CFAP69: variants seen among roughly 807,000 people sequenced by gnomAD.
The protein encoded by CFAP69 is cilia- and flagella-associated protein 69.
Under a neutral mutation model 123.0 loss-of-function variants are expected in CFAP69, and 92 were observed. The ratio of observed to expected loss-of-function variants is 0.75; its 90% CI spans 0.63 to 0.89. The LOEUF is 0.89. CFAP69 is among the 40% of genes least tolerant of loss of function. CFAP69 has a pLI of 0.00. For synonymous variants in CFAP69, 380 were observed against 364.3 expected (o/e 1.04, Z -0.49); for missense variants, 1,067 against 1,096.9 (o/e 0.97, Z 0.39).
At chr7:90,278,383 C>T (rs1027145003) in intron 11 of CFAP69, among the ~76,000 whole-genome samples, 1 of 151,906 alleles carries the variant, frequency 6.6e-6, no homozygotes, top group African/African-American at 2.4e-5. Flanking sequence ...TTTTCAAATG[C>T]TCAGGAAAAG....
At chr7:90,311,396 A>G (rs951461120), downstream of CFAP69, among the ~76,000 whole-genome samples, 2 of 152,216 alleles carry the variant, frequency 1.3e-5, no homozygotes, top group African/African-American at 4.8e-5. Flanking sequence ...GTAAATGGAT[A>G]ACTAGCTTTC....
intron 14 of CFAP69, among the ~76,000 whole-genome samples, chr7:90,287,111 AAT>A (rs1790412234): frequency 6.6e-6 from 1 of 151,784 alleles, no homozygotes; most frequent in Non-Finnish European, 1.5e-5. Flanking sequence ...AAAAGATAGA[AAT>A]ATATCCATGT....
At chr7:90,296,311 G>A (rs74729021) in intron 15 of CFAP69, among the ~76,000 whole-genome samples, 1 of 151,632 alleles carries the variant, frequency 6.6e-6, no homozygotes, top group Non-Finnish European at 1.5e-5. Flanking sequence ...CCTGAGGCAC[G>A]GTTTTTTGTT....
chr7:90,309,501 C>A, intron 22 of CFAP69, 134 bp downstream of exon 22: 3 of 430,764 alleles, frequency 7.0e-6, no homozygotes, highest in South Asian at 1.0e-4. Flanking sequence ...AATTATATCT[C>A]AATAAAACTG....
chr7:90,289,001 A>T (rs1790705065), intron 15 of CFAP69, among the ~76,000 whole-genome samples: 2 of 151,676 alleles, frequency 1.3e-5, no homozygotes. Flanking sequence ...TTCTTTCTTT[A>T]TATTTTTATT....
chr7:90,284,605 G>A (rs1365892983), intron 13 of CFAP69, among the ~76,000 whole-genome samples: 1 of 152,142 alleles, frequency 6.6e-6, no homozygotes, highest in Non-Finnish European at 1.5e-5. Flanking sequence ...GTAGGACAGA[G>A]TAAATGTTAC....
intron 17 of CFAP69, chr7:90,303,628 A>C (rs17865510): frequency 1.0e-6 from 1 of 974,160 alleles, no homozygotes; most frequent in Non-Finnish European, 1.2e-6. Context: ...AACCAAAAGT[A>C]AACAAGGTTA....
chr7:90,297,871 T>C (rs888396657), intron 16 of CFAP69, 41 bp downstream of exon 16: 2 of 1,376,756 alleles, frequency 1.5e-6, no homozygotes, highest in Middle Eastern at 1.8e-4. Flanking sequence ...AAGACAAATA[T>C]GTCTATTAAA....
intron 15 of CFAP69, among the ~76,000 whole-genome samples, chr7:90,293,648 C>T (rs935889121): frequency 6.6e-6 from 1 of 152,124 alleles, no homozygotes; most frequent in Non-Finnish European, 1.5e-5. Context: ...CTTTATACAC[C>T]TTACATATAA....
chr7:90,309,847 C>T (rs772409139), intron 22 of CFAP69, among the ~76,000 whole-genome samples: 3 of 152,168 alleles, frequency 2.0e-5, no homozygotes, highest in Non-Finnish European at 2.9e-5. Context: ...CTCTGCTAGA[C>T]TTAATTTGCC....
At chr7:90,264,100 A>AAT (rs1798725293) in intron 4 of CFAP69, among the ~76,000 whole-genome samples, 1 of 33,062 alleles carries the variant, frequency 3.0e-5, no homozygotes, top group Admixed American at 3.2e-4. Flanking sequence ...CGAAAAAAAA[A>AAT]AAAAATATAT....
At position 90,286,368 on chromosome 7, in the gene CFAP69, C is replaced by T. The variant is rs750031396; in HGVS notation, c.1625C>T (p.Ser542Phe). 6.2e-7 allele frequency: 1 copy of T among 1,611,988 alleles called. No homozygotes were observed. Among genetic ancestry groups the T allele is most frequent in the African/African-American group, 1.3e-5 (1 of 74,856 alleles). Residue 542 changes from serine (S) to phenylalanine (F), a missense_variant, in exon 14 of 23, where the codon TCT becomes TTT. By Grantham distance (155) the Ser-to-Phe change is radical (BLOSUM62 -2). Transcript: ENST00000389297. ...EIQSDILLIL[S>F]GLCENHIQRK... Reference sequence around the variant, plus strand: ...CAGTCTGATATATTACTTATCCTATCTGGCCTTTGTGAGAATCACATTCAA... The same window carrying T: ...CAGTCTGATATATTACTTATCCTATTTGGCCTTTGTGAGAATCACATTCAA...
intron 1 of CFAP69, chr7:90,252,157 T>G (rs1354909721): frequency 6.8e-6 from 1 of 146,916 alleles, no homozygotes; most frequent in East Asian, 2.3e-4. Flanking sequence ...CATGCGCGTA[T>G]AAAATCTGAG....
chr7:90,283,127 T>G (rs1028140948), intron 13 of CFAP69, 71 bp downstream of exon 13: 1 of 1,196,096 alleles, frequency 8.4e-7, no homozygotes, highest in African/African-American at 1.6e-5. Flanking sequence ...GTTTGAAATG[T>G]TTTTCCAAAA....
At chr7:90,297,858 C>T in intron 16 of CFAP69, 28 bp downstream of exon 16, 1 of 1,464,784 alleles carries the variant, frequency 6.8e-7, no homozygotes, top group South Asian at 1.2e-5. Flanking sequence ...AATCATAAGA[C>T]AAAAGACAAA....
intron 1 of CFAP69, among the ~76,000 whole-genome samples, chr7:90,254,031 G>T (rs1797341221): frequency 6.6e-6 from 1 of 152,276 alleles, no homozygotes; most frequent in African/African-American, 2.4e-5. Context: ...AGACATAGGA[G>T]TCTAGTTTCA....
intron 14 of CFAP69, among the ~76,000 whole-genome samples, chr7:90,286,813 C>T (rs1208971396): frequency 2.6e-5 from 4 of 152,084 alleles, no homozygotes; most frequent in Non-Finnish European, 5.9e-5. Flanking sequence ...GTTGGCCGGG[C>T]ATGGTGGCTC....
intron 1 of CFAP69, among the ~76,000 whole-genome samples, chr7:90,245,898 G>T (rs527476162): frequency 2.6e-4 from 39 of 152,276 alleles, no homozygotes; most frequent in Non-Finnish European, 4.7e-4. Context: ...TTGATTTGAT[G>T]ACCTGATCAG....
intron 15 of CFAP69, among the ~76,000 whole-genome samples, chr7:90,295,023 G>A (rs910796513): frequency 9.2e-5 from 14 of 152,254 alleles, no homozygotes; most frequent in South Asian, 6.2e-4. Context: ...CTTTTCAGTC[G>A]AGACGGGATC....
Sources: gnomAD v4.1 joint callset for allele counts (sites outside exome capture counted in the v4.1 genomes callset) on GRCh38, gnomAD v4.1.1 for gene constraint, MANE v1.5 for transcripts, NCBI Gene and HGNC (gene_info 2026-07-23, HGNC 2026-07-21) for gene names.